Variants in CLSTN3 observed in about 807,000 individuals in gnomAD.
The protein encoded by CLSTN3 is calsyntenin-3.
A neutral mutation model predicts 95.9 loss-of-function variants in CLSTN3; 36 were observed. The ratio of observed to expected loss-of-function variants is 0.38; its 90% CI spans 0.29 to 0.50. The LOEUF is 0.50. Ranked by LOEUF, CLSTN3 falls within the 20% of genes least tolerant of loss-of-function variation. The pLI, the probability that CLSTN3 is intolerant of heterozygous loss-of-function variation, is 0.95. For missense variants in CLSTN3, 1,084 were observed against 1,268.8 expected (o/e 0.85, Z 2.21); for synonymous variants, 481 against 504.0 (o/e 0.95, Z 0.61).
Position 7,141,147 on chromosome 12 carries a change from T to C in CLSTN3, c.1324-95T>C. 1 of 1,309,818 alleles carries C rather than the reference T, an allele frequency of 7.6e-7. No homozygotes were observed. Among genetic ancestry groups the C allele is most frequent in the East Asian group, 2.4e-5 (1 of 42,528 alleles). 81.1% of individuals were successfully genotyped at this position (1,309,818 alleles called of 1,614,324 possible). ...TTGGTAGAACTGGGAATAAAGGGACTGTCCCCTGTCTCCCAGGAGATGGGG... is the reference window on the plus strand; with the variant it reads ...TTGGTAGAACTGGGAATAAAGGGACCGTCCCCTGTCTCCCAGGAGATGGGG... On this transcript the variant is annotated intron_variant, in intron 8 of 17. Coordinates refer to ENST00000266546, the MANE Select transcript of CLSTN3 (RefSeq NM_014718.4). This position sits in a 1 kb window ranked among gnomAD's most constrained non-coding sequence, Gnocchi z 4.1.
chr12:7,151,266 T>C, intron 16 of CLSTN3: 1 of 533,618 alleles, frequency 1.9e-6, no homozygotes, highest in Non-Finnish European at 3.1e-6. Context: ...GTGAAGAACA[T>C]GAGCCTTGTG....
In CLSTN3 at chr12:7,149,433, G is replaced by A. The variant is rs1385868100; in HGVS notation, c.2075-90G>A. ...CTTCCCTCTCCCTGGCCCTGGAAAG[G>A]GAGGGAGAGTGGTGATGAGGGCATG... On this transcript the variant is annotated intron_variant, in intron 13 of 17. Transcript: ENST00000266546. The surrounding 1 kb of genome is among the most constrained non-coding windows in gnomAD (Gnocchi z 4.5). 9 of 1,247,060 alleles carry A rather than the reference G, an allele frequency of 7.2e-6. No individual in the cohort carries two copies. In the Admixed American group the frequency reaches 1.2e-4, roughly 17 times the overall value. The allele number at this position is 1,247,060 out of a possible 1,614,324, so 77.2% of individuals were successfully genotyped here.
At chr12:7,144,407 T>C (rs953143459) in intron 12 of CLSTN3, among the ~76,000 whole-genome samples, 4 of 152,202 alleles carry the variant, frequency 2.6e-5, no homozygotes, top group African/African-American at 4.8e-5. Context: ...GCATAGGGTC[T>C]ATTGCTAGCT....
In CLSTN3 at chr12:7,130,516, C is replaced by T; in HGVS notation, c.-133C>T. The T allele has an allele frequency of 2.6e-6, 4 of 1,538,714 alleles. No homozygotes were observed. The highest frequency in any genetic ancestry group is 3.5e-6 in the Non-Finnish European group (4 of 1,145,442). ...TTTATGGACTAGTGTGGGCGGCAGG[C>T]TCCTTTCCGTCCCTGCCCTGCTGTA... On this transcript the variant is annotated 5_prime_UTR_variant, in exon 1 of 18. Coordinates refer to ENST00000266546, the MANE Select transcript of CLSTN3 (RefSeq NM_014718.4).
upstream of CLSTN3, chr12:7,130,303 TCCC>T: frequency 1.3e-6 from 1 of 778,324 alleles, no homozygotes; most frequent in Non-Finnish European, 1.6e-6. Context: ...CAGCACCTGG[TCCC>T]CCCCCCTCCC....
intron 8 of CLSTN3, among the ~76,000 whole-genome samples, chr12:7,140,083 C>T (rs1190042503): frequency 5.3e-5 from 8 of 152,134 alleles, no homozygotes; most frequent in Non-Finnish European, 7.3e-5. Context: ...GCAATGGAGA[C>T]GGAGAGACCT....
chr12:7,157,827 C>A lies in CLSTN3; in HGVS notation c.2731-114C>A. On this transcript the variant is annotated intron_variant, in intron 17 of 17. Coordinates refer to ENST00000266546, the MANE Select transcript of CLSTN3 (RefSeq NM_014718.4). This position sits in a 1 kb window ranked among gnomAD's most constrained non-coding sequence, Gnocchi z 5.9. ...TGAGCCGGAGGGAGAGAGGTTCAGG[C>A]AGGGAAGGGGGTACACAGGGGTTAA... 6.7e-7 allele frequency: 1 copy of A among 1,499,030 alleles called. No homozygotes were observed. The highest frequency in any genetic ancestry group is 9.0e-7 in the Non-Finnish European group (1 of 1,115,566). The allele number at this position is 1,499,030 out of a possible 1,614,324, so 92.9% of individuals were successfully genotyped here.
At chr12:7,151,877 A>G (rs567944697) in intron 16 of CLSTN3, among the ~76,000 whole-genome samples, 127 of 152,170 alleles carry the variant, frequency 8.3e-4, no homozygotes, top group Non-Finnish European at 1.6e-3. Flanking sequence ...ACACAGTGAG[A>G]CTCTGTCTTT....
chr12:7,135,494 A>G lies in CLSTN3; in HGVS notation c.551A>G (p.Glu184Gly). 6.2e-7 allele frequency: 1 copy of G among 1,614,114 alleles called. No individual in the cohort carries two copies. The highest frequency in any genetic ancestry group is 8.5e-7 in the Non-Finnish European group (1 of 1,180,002). The change falls in exon 4 of 18, where the codon GAG becomes GGG. Residue 184 changes from glutamate to glycine, a missense_variant. Transcript: ENST00000266546. ...SPQYSQICYY[E>G]ILTPNTPFLI... is the part of the protein sequence containing the mutation. ...CAGTACAGCCAGATCTGCTACTATG[A>G]GATTCTCACACCCAACACCCCTTTC...
intron 16 of CLSTN3, 50 bp downstream of exon 16, chr12:7,151,113 T>C (rs1939717489): frequency 6.7e-7 from 1 of 1,497,962 alleles, no homozygotes; most frequent in Non-Finnish European, 9.0e-7. Context: ...GGCAGGTGAG[T>C]GTGTTGGGAC....
rs1555168560 is a variant in CLSTN3, at chr12:7,142,077, T to TTA, written c.1487-9_1487-8insTA. 6 of 1,519,648 alleles carry TTA rather than the reference T, an allele frequency of 3.9e-6. No homozygotes were observed. The East Asian group carries it at 1.2e-4, about 30-fold the overall frequency. 94.1% of individuals were successfully genotyped at this position (1,519,648 alleles called of 1,614,324 possible). ...ACCAGCACTGTTTTTTTTTTTTTTT[T>TTA]ATCCCCAGAGGAGAAGAACAAAGAG... On this transcript the variant is annotated splice_polypyrimidine_tract_variant and intron_variant, in intron 9 of 17. Coordinates refer to ENST00000266546, the MANE Select transcript of CLSTN3 (RefSeq NM_014718.4).
At chr12:7,135,272 T>C in intron 3 of CLSTN3, 55 bp from the exon 4 acceptor site, 3 of 1,547,150 alleles carry the variant, frequency 1.9e-6, no homozygotes, top group South Asian at 1.1e-5. Flanking sequence ...TCTCAATGTA[T>C]AATGTCGAGG....
Position 7,143,292 on chromosome 12 carries a change from C to T in CLSTN3, c.1828C>T (p.Arg610Cys), listed in dbSNP as rs1377179788. ...TGCCACGCCCGGCGTCAGGCCCCTG[C>T]GCCTCACCACTGCTGTCAAGTGAGT... The part of the protein sequence containing the change: ...RFATPGVRPL[R>C]LTTAVKCFSE... The change falls in exon 12 of 18, where the codon CGC (arginine) becomes TGC (cysteine). Residue 610 changes from arginine (R) to cysteine (C), a missense_variant. Coordinates refer to ENST00000266546, the MANE Select transcript of CLSTN3 (RefSeq NM_014718.4). 10 of 1,609,896 alleles carry T rather than the reference C, an allele frequency of 6.2e-6. No individual in the cohort carries two copies. The highest frequency in any genetic ancestry group is 1.1e-5 in the South Asian group (1 of 91,040).
chr12:7,130,310 C>T (rs951850811), upstream of CLSTN3: 3 of 815,310 alleles, frequency 3.7e-6, no homozygotes, highest in Non-Finnish European at 1.6e-6. Flanking sequence ...TGGTCCCCCC[C>T]CCTCCCAGTC....
intron 12 of CLSTN3, among the ~76,000 whole-genome samples, chr12:7,148,172 GAAAGAAAGAAAGAAAGAAAGAAAGAAA>G (rs1171376400): frequency 1.8e-5 from 2 of 110,242 alleles, no homozygotes; most frequent in Non-Finnish European, 3.6e-5. Context: ...AAGAAAGAAA[GAAAGAAAGAAAGAAAGAAAGAAAGAAA>G]GAAAGAAAGA....
intron 1 of CLSTN3, 165 bp from the exon 2 acceptor site, chr12:7,132,835 CGCAGACCCTCTGACTCCTTTAGTA>C (rs1306506822): frequency 1.4e-6 from 1 of 708,828 alleles, no homozygotes; most frequent in Non-Finnish European, 2.5e-6. Flanking sequence ...TATGACCTCC[CGCAGACCCTCTGACTCCTTTAGTA>C]GCTGATTTCT....
chr12:7,142,326 G>A (rs1939540791), intron 10 of CLSTN3, among the ~76,000 whole-genome samples, 187 bp downstream of exon 10: 1 of 152,094 alleles, frequency 6.6e-6, no homozygotes, highest in South Asian at 2.1e-4. Flanking sequence ...GCTTGGCTGG[G>A]TTCTGGGTAT....
At chr12:7,152,138 T>C (rs1221835828) in intron 16 of CLSTN3, among the ~76,000 whole-genome samples, 2 of 151,752 alleles carry the variant, frequency 1.3e-5, no homozygotes, top group Non-Finnish European at 2.9e-5. Flanking sequence ...ACTGATAATA[T>C]GAGTATTCTG....
Position 7,130,690 on chromosome 12 carries a change from C to T in CLSTN3, c.42C>T (p.Leu14=), listed in dbSNP as rs1274898113. ...LLLPLLLASL[L]ASCSCNKANK... ...TGCCCCTTCTGCTGGCCTCTCTGCT[C>T]GCGTCCTGCTCCTGTAACAAAGGTG... is the stretch of plus-strand genomic sequence containing the variant. The change falls in exon 1 of 18, where the codon CTC becomes CTT. Residue 14 remains leucine, a synonymous_variant. Coordinates refer to ENST00000266546, the MANE Select transcript of CLSTN3 (RefSeq NM_014718.4). 1.3e-6 allele frequency: 2 copies of T among 1,572,860 alleles called. No homozygotes were observed. Among genetic ancestry groups the T allele is most frequent in the Admixed American group, 1.8e-5 (1 of 54,170 alleles).
Sources: allele counts gnomAD v4.1 joint callset (sites outside exome capture counted in the v4.1 genomes callset), GRCh38; gene constraint gnomAD v4.1.1; non-coding constraint Gnocchi (gnomAD v3.1); transcripts MANE v1.5; gene names NCBI Gene and HGNC (gene_info 2026-07-23, HGNC 2026-07-21).